ABCC4: variants seen among roughly 807,000 people sequenced by gnomAD.
The protein encoded by ABCC4 is ATP binding cassette subfamily C member 4 (PEL blood group).
Under a neutral mutation model 168.5 loss-of-function variants are expected in ABCC4, and 102 were observed. The ratio of observed to expected loss-of-function variants is 0.61; its 90% CI spans 0.52 to 0.71. The LOEUF is 0.71. Ranked by LOEUF, ABCC4 falls within the 30% of genes least tolerant of loss-of-function variation. The pLI is 0.00. For synonymous variants in ABCC4, 617 were observed against 590.7 expected, an observed-to-expected ratio of 1.04 and a Z score of -0.65; for missense variants, 1,402 against 1,605.8, an observed-to-expected ratio of 0.87 and a Z score of 2.17.
chr13:95,174,392 A>G (rs140076039), intron 13 of ABCC4, among the ~76,000 whole-genome samples: 37 of 152,350 alleles, frequency 2.4e-4, no homozygotes, highest in Middle Eastern at 3.4e-3. Context: ...CATATTGTTC[A>G]ATCCAATTTT....
chr13:95,275,522 G>A (rs2040950587), intron 1 of ABCC4, among the ~76,000 whole-genome samples: 1 of 152,116 alleles, frequency 6.6e-6, no homozygotes, highest in Non-Finnish European at 1.5e-5. Flanking sequence ...CTTTGAACAT[G>A]AAACCAATTT....
Position 95,021,397 on chromosome 13 carries a change from A to G in ABCC4, c.*178T>C. On this transcript the variant is annotated 3_prime_UTR_variant, in exon 31 of 31. Transcript: ENST00000645237. Reference sequence around the variant, plus strand: ...AACAACTATTGACATTTAAATAAAAATAAACCATTTTGTTAGAGCTGGAGA... The same window carrying G: ...AACAACTATTGACATTTAAATAAAAGTAAACCATTTTGTTAGAGCTGGAGA... The G allele has an allele frequency of 1.8e-6, 1 of 542,364 alleles. No individual in the cohort carries two copies. The allele number at this position is 542,364 out of a possible 1,614,324, so 33.6% of individuals were successfully genotyped here.
At chr13:95,125,736 C>T (rs771759802) in intron 19 of ABCC4, among the ~76,000 whole-genome samples, 17 of 152,162 alleles carry the variant, frequency 1.1e-4, no homozygotes, top group Non-Finnish European at 5.9e-5. Flanking sequence ...TAAATTGCCT[C>T]GGGAAACCAT....
intron 8 of ABCC4, among the ~76,000 whole-genome samples, chr13:95,199,318 C>T (rs186634964): frequency 6.6e-6 from 1 of 152,236 alleles, no homozygotes; most frequent in African/African-American, 2.4e-5. Flanking sequence ...AACACATCCA[C>T]GAGAGGCAAG....
rs2139315922 is a variant in ABCC4, at chr13:95,075,450, G to A, written c.2788C>T (p.His930Tyr). Residue 930 changes from histidine (H) to tyrosine (Y), a missense_variant, in exon 22 of 31, where the codon CAC becomes TAC. Coordinates refer to ENST00000645237, the MANE Select transcript of ABCC4 (RefSeq NM_005845.5). ...EERCQELFDA[H>Y]QDLHSEAWFL... ...GACAGACCTGAATGTAAATCCTGGT[G>A]TGCATCAAACAGTTCCTGACACCTC... The A allele has an allele frequency of 1.2e-6, 2 of 1,614,156 alleles. No homozygotes were observed. Among genetic ancestry groups the A allele is most frequent in the African/African-American group, 1.3e-5 (1 of 75,044 alleles).
At position 95,064,359 on chromosome 13, in the gene ABCC4, A is replaced by C. The variant is rs371830421; in HGVS notation, c.3211-1500T>G. Among the ~76,000 whole-genome samples the C allele has an allele frequency of 6.0e-4, 90 of 150,582 alleles. 2 individuals are homozygous for C. The South Asian group carries it at 0.018, about 31-fold the overall frequency. ...TCACAGGGATATTAATTCAAGACAG[A>C]GGTGTCACAAGTGACATAAACAGGT... On this transcript the variant is annotated intron_variant, in intron 25 of 30. Transcript: ENST00000645237.
rs116887011 is a variant in ABCC4, at chr13:95,125,271, A to G, written c.2456-9270T>C. On this transcript the variant is annotated intron_variant, in intron 19 of 30. Transcript: ENST00000645237. The stretch of plus-strand genomic sequence containing the variant: ...TTGCAAGTTCTATTAAATGTCTACT[A>G]ATAAAAATTAGCCAATAAATTTCCA... 4.6e-5 allele frequency among the ~76,000 whole-genome samples: 7 copies of G among 152,288 alleles called. No individual in the cohort carries two copies. The East Asian group carries it at 1.4e-3, about 29-fold the overall frequency.
intron 1 of ABCC4, among the ~76,000 whole-genome samples, chr13:95,278,478 C>T (rs904835379): frequency 3.3e-5 from 5 of 152,116 alleles, no homozygotes; most frequent in African/African-American, 1.2e-4. Context: ...GTGATCAAGG[C>T]AGAGGTTCCC....
At chr13:95,072,748 G>A (rs1329234621) in intron 24 of ABCC4, among the ~76,000 whole-genome samples, 1 of 152,152 alleles carries the variant, frequency 6.6e-6, no homozygotes, top group Non-Finnish European at 1.5e-5. Flanking sequence ...CAAAGTTAAG[G>A]CCTTCCTCCC....
At chr13:95,084,115 C>T (rs1269286968) in intron 20 of ABCC4, among the ~76,000 whole-genome samples, 1 of 152,196 alleles carries the variant, frequency 6.6e-6, no homozygotes, top group Admixed American at 6.5e-5. Flanking sequence ...TGGTATCTAT[C>T]CTTTGCTAAC....
At chr13:95,281,702 C>G (rs60211292) in intron 1 of ABCC4, among the ~76,000 whole-genome samples, 1 of 152,178 alleles carries the variant, frequency 6.6e-6, no homozygotes, top group Non-Finnish European at 1.5e-5. Context: ...GGACACATTA[C>G]TGCCCTACAA....
chr13:95,147,505 C>T (rs1408349784), intron 19 of ABCC4, among the ~76,000 whole-genome samples: 2 of 152,082 alleles, frequency 1.3e-5, no homozygotes, highest in Admixed American at 6.6e-5. Flanking sequence ...GTGATCAAAC[C>T]ACAGACTGTC....
intron 19 of ABCC4, among the ~76,000 whole-genome samples, chr13:95,124,611 G>A (rs922637160): frequency 7.1e-6 from 1 of 140,818 alleles, no homozygotes; most frequent in African/African-American, 2.7e-5. Context: ...GCTCATGCCT[G>A]TAATTCCAGC....
intron 30 of ABCC4, among the ~76,000 whole-genome samples, chr13:95,028,723 C>T (rs1404452906): frequency 6.6e-6 from 1 of 151,982 alleles, no homozygotes; most frequent in African/African-American, 2.4e-5. Context: ...AGAAACTGAT[C>T]AACTGGAAAA....
At chr13:95,227,496 A>T (rs1354711856) in intron 4 of ABCC4, among the ~76,000 whole-genome samples, 1 of 152,218 alleles carries the variant, frequency 6.6e-6, no homozygotes, top group African/African-American at 2.4e-5. Flanking sequence ...AAACTTAGAA[A>T]ATAACATTAG....
chr13:95,149,241 T>C (rs995670889), intron 19 of ABCC4, among the ~76,000 whole-genome samples: 8 of 152,178 alleles, frequency 5.3e-5, no homozygotes, highest in African/African-American at 1.9e-4. Flanking sequence ...CTGAAATGTA[T>C]GTGTTGATTT....
intron 11 of ABCC4, among the ~76,000 whole-genome samples, chr13:95,185,473 T>C (rs1035482396): frequency 6.6e-6 from 1 of 152,244 alleles, no homozygotes; most frequent in African/African-American, 2.4e-5. Context: ...CAGCAAATAC[T>C]ACTCACCTGA....
rs1412141191 is a variant in ABCC4, at chr13:95,273,848, T to TC, written c.75-26096_75-26095insG. On this transcript the variant is annotated intron_variant, in intron 1 of 30. Transcript: ENST00000645237. ...TTTTTTTTTTTTTGAGACGGAGTCT[T>TC]GCTGTTGCCCAGGCTGGAATGCAGT... Among the ~76,000 whole-genome samples the TC allele has an allele frequency of 7.0e-5, 10 of 142,248 alleles. No homozygotes were observed. The East Asian group carries it at 1.9e-3, about 27-fold the overall frequency. The allele number at this position is 142,248 out of a possible 152,430, so 93.3% of individuals were successfully genotyped here. A position where few individuals can be genotyped will look rare whatever the true frequency, so the allele number is the denominator to read the frequency against.
chr13:95,064,252 GTGTGTGTGTATATATATATA>G (rs1217043484), intron 25 of ABCC4, among the ~76,000 whole-genome samples: 3,861 of 118,024 alleles, frequency 0.033, 241 homozygotes, highest in African/African-American at 0.11. Context: ...CCGGGTGTGT[GTGTGTGTGTATATATATATA>G]TATATATATA....
Sources: gnomAD v4.1 joint callset for allele counts (sites outside exome capture counted in the v4.1 genomes callset) on GRCh38, gnomAD v4.1.1 for gene constraint, MANE v1.5 for transcripts, NCBI Gene and HGNC (gene_info 2026-07-23, HGNC 2026-07-21) for gene names.